WDR3: variants seen among roughly 807,000 people sequenced by gnomAD.
WDR3 encodes the protein WD repeat-containing protein 3.
In WDR3, 81 loss-of-function variants were observed where a neutral mutation model predicts 123.7. The ratio of observed to expected loss-of-function variants is 0.65; its 90% CI spans 0.55 to 0.79. WDR3 has a LOEUF of 0.79. Among genes scored for constraint, WDR3 ranks in the 30% least tolerant of loss-of-function variants. The probability of loss-of-function intolerance (pLI) is 0.00; values close to 1 mark genes in which losing one functional copy is unlikely to be tolerated. For synonymous variants in WDR3, 390 were observed against 388.8 expected (o/e 1.00, Z -0.04); for missense variants, 1,027 against 1,123.2 (o/e 0.91, Z 1.22).
chr1:117,952,201 C>A, intron 17 of WDR3, 96 bp from the exon 18 acceptor site: 1 of 1,425,304 alleles, frequency 7.0e-7, no homozygotes. Flanking sequence ...TAGTCAGACA[C>A]CCTAGAACTA....
At position 117,933,392 on chromosome 1, in the gene WDR3, A is replaced by G. The variant is rs377392703; in HGVS notation, c.73A>G (p.Asn25Asp). 1.9e-5 allele frequency: 30 copies of G among 1,614,046 alleles called. 1 individual carries two copies. In the Middle Eastern group the frequency reaches 1.6e-3, roughly 88 times the overall value. ...TGGCGTTATCGGCAGCCAAAAAGGT[A>G]ATATTGTCTTTGTGACACTTCGTGG... ...VFGVIGSQKG[N>D]IVFVTLRGEK... The change falls in exon 2 of 27, where the codon AAT becomes GAT. Residue 25 changes from asparagine to aspartate, a missense_variant. Physicochemically the swap from Asn to Asp is conservative, Grantham distance 23. Coordinates refer to ENST00000349139, the MANE Select transcript of WDR3 (RefSeq NM_006784.3).
At chr1:117,939,278 A>G (rs1043921233) in intron 5 of WDR3, among the ~76,000 whole-genome samples, 199 bp from the exon 6 acceptor site, 1 of 152,168 alleles carries the variant, frequency 6.6e-6, no homozygotes, top group Non-Finnish European at 1.5e-5. Context: ...CAAAAGTAAC[A>G]ATTTCACCGC....
chr1:117,948,635 T>C, intron 13 of WDR3, 129 bp downstream of exon 13: 1 of 533,204 alleles, frequency 1.9e-6, no homozygotes, highest in Non-Finnish European at 3.1e-6. Flanking sequence ...TTGTATATGA[T>C]GCCTTCTTAT....
chr1:117,958,313 A>G (rs1401744140), intron 25 of WDR3, among the ~76,000 whole-genome samples: 1 of 152,252 alleles, frequency 6.6e-6, no homozygotes, highest in Non-Finnish European at 1.5e-5. Flanking sequence ...ACTTGTAAAG[A>G]CATAAGTTCA....
chr1:117,933,590 T>TG, intron 2 of WDR3, 100 bp downstream of exon 2: 2 of 1,502,994 alleles, frequency 1.3e-6, no homozygotes, highest in South Asian at 1.2e-5. Context: ...ATGAGTTTTT[T>TG]TGTGTCTGTG....
chr1:117,938,702 A>G, intron 5 of WDR3, 144 bp downstream of exon 5: 5 of 654,246 alleles, frequency 7.6e-6, no homozygotes, highest in Middle Eastern at 2.8e-4. Context: ...TGAGGCTGGT[A>G]TGATGGAAGC....
rs1400776811 is a variant in WDR3, at chr1:117,941,743, T to A, written c.892-7T>A. On this transcript the variant is annotated splice_region_variant and splice_polypyrimidine_tract_variant and intron_variant, in intron 8 of 26. Coordinates refer to ENST00000349139, the MANE Select transcript of WDR3 (RefSeq NM_006784.3). ...CCTTGACTCACATTAACCTTTTGCC[T>A]TTCTAGGGAACTGACTCTGTGCTAG... 3 of 1,607,076 alleles carry A rather than the reference T, an allele frequency of 1.9e-6. No individual in the cohort carries two copies. The highest frequency in any genetic ancestry group is 1.7e-6 in the Non-Finnish European group (2 of 1,178,482).
Position 117,949,797 on chromosome 1 carries a change from A to G in WDR3, c.1571A>G (p.Asp524Gly). The G allele has an allele frequency of 1.2e-6, 2 of 1,613,826 alleles. No individual in the cohort carries two copies. Among genetic ancestry groups the G allele is most frequent in the Non-Finnish European group, 1.7e-6 (2 of 1,179,848 alleles). ...GCAGATAAATCTGTCAAATTCTGGG[A>G]TTTTGAGTTAGTGAAAGATGAAAAT... ...GGADKSVKFW[D>G]FELVKDENST... Residue 524 changes from aspartate (D) to glycine (G), a missense_variant, in exon 14 of 27, where the codon GAT becomes GGT. By Grantham distance (94) the Asp-to-Gly change is moderately conservative (BLOSUM62 -1). Coordinates refer to ENST00000349139, the MANE Select transcript of WDR3 (RefSeq NM_006784.3).
At chr1:117,949,676 A>G in intron 13 of WDR3, 75 bp from the exon 14 acceptor site, 2 of 1,494,704 alleles carry the variant, frequency 1.3e-6, no homozygotes, top group Non-Finnish European at 9.1e-7. Context: ...ACTTTCTTAG[A>G]CTTTTAAAAT....
intron 21 of WDR3, 130 bp from the exon 22 acceptor site, chr1:117,953,877 A>T: frequency 2.6e-6 from 2 of 762,532 alleles, no homozygotes; most frequent in Non-Finnish European, 4.3e-6. Flanking sequence ...TTGGCACTCT[A>T]TTCGCACGTC....
chr1:117,950,793 A>G (rs745315038), intron 15 of WDR3, 41 bp from the exon 16 acceptor site: 43 of 1,525,524 alleles, frequency 2.8e-5, no homozygotes, highest in Non-Finnish European at 3.8e-5. Context: ...TTATACCCAT[A>G]TTTTATAGAC....
rs1651708314 is a variant in WDR3 at position 117,953,094 on chromosome 1, A to T, written c.2202+98A>T. 3 of 1,387,948 alleles carry T rather than the reference A, an allele frequency of 2.2e-6. No individual in the cohort carries two copies. In the East Asian group the frequency reaches 7.1e-5, roughly 33 times the overall value. 86.0% of individuals were successfully genotyped at this position (1,387,948 alleles called of 1,614,324 possible). A position where few individuals can be genotyped will look rare whatever the true frequency, so the allele number is the denominator to read the frequency against. On this transcript the variant is annotated intron_variant, in intron 20 of 26. Coordinates refer to ENST00000349139, the MANE Select transcript of WDR3 (RefSeq NM_006784.3). Reference sequence around the variant, plus strand: ...AGAATTTCTAATAGAATTAAAATTGAGGCTAGAAGTTGCAGGTATCACCAG... The same window carrying T: ...AGAATTTCTAATAGAATTAAAATTGTGGCTAGAAGTTGCAGGTATCACCAG...
At position 117,941,188 on chromosome 1, in the gene WDR3, T is replaced by G. The variant is rs2101202513; in HGVS notation, c.854T>G (p.Leu285Arg). The change falls in exon 8 of 27, where the codon CTT (leucine) becomes CGT (arginine). Residue 285 changes from leucine to arginine, a missense_variant. Coordinates refer to ENST00000349139, the MANE Select transcript of WDR3 (RefSeq NM_006784.3). ...GAAGGAAGAGACAGAGTTGTAAACC[T>G]TGCAGTCGACAAGACAGGCAGGATT... ...MREGRDRVVNLAVDKTGRILA... is the reference protein window; with the variant it reads ...MREGRDRVVNRAVDKTGRILA... The G allele has an allele frequency of 6.2e-7, 1 of 1,614,148 alleles. No individual in the cohort carries two copies. Among genetic ancestry groups the G allele is most frequent in the Non-Finnish European group, 8.5e-7 (1 of 1,179,996 alleles).
chr1:117,932,365 C>G (rs762958738), intron 1 of WDR3, among the ~76,000 whole-genome samples: 3 of 152,166 alleles, frequency 2.0e-5, no homozygotes, highest in Non-Finnish European at 4.4e-5. Flanking sequence ...CACTTGGAAA[C>G]TTGTTAGAAA....
rs1028701400 is a variant in WDR3, at chr1:117,929,778, CTGAGGTGAGTCCTGGAGGT to C, written c.-36_-33+15del. 1.3e-5 allele frequency: 2 copies of C among 152,408 alleles called. No homozygotes were observed. Among genetic ancestry groups the C allele is most frequent in the African/African-American group, 4.8e-5 (2 of 41,452 alleles). The allele number at this position is 152,408 out of a possible 1,614,324, so 9.4% of individuals were successfully genotyped here. ...CAATCGGCTGGGAGCCTCGTGGAGG[CTGAGGTGAGTCCTGGAGGT>C]GCGTGGTTGGGGCGGAGAGCATTAT... On this transcript the variant is annotated splice_donor_variant and splice_donor_5th_base_variant and 5_prime_UTR_variant and intron_variant, in exon 1 of 27. Coordinates refer to ENST00000349139, the MANE Select transcript of WDR3 (RefSeq NM_006784.3). LOFTEE classifies it low-confidence loss of function (5UTR_SPLICE).
intron 11 of WDR3, among the ~76,000 whole-genome samples, chr1:117,945,487 A>G (rs1206869935): frequency 6.6e-6 from 1 of 151,706 alleles, no homozygotes; most frequent in Admixed American, 6.6e-5. Context: ...TACTCCTTGC[A>G]CTCTTCATCC....
At position 117,963,697 on chromosome 1, in the gene WDR3, G is replaced by T; in HGVS notation, c.*4250G>T. ...TATTTTCATTCATTCAGGCCAGGTG[G>T]CTTATAGGTTTCTGACTATAAGAAG... On this transcript the variant is annotated 3_prime_UTR_variant, in exon 27 of 27. Transcript: ENST00000349139. 9.2e-7 allele frequency: 1 copy of T among 1,085,202 alleles called. No individual in the cohort carries two copies. The highest frequency in any genetic ancestry group is 1.3e-6 in the Non-Finnish European group (1 of 763,892). 67.2% of individuals were successfully genotyped at this position (1,085,202 alleles called of 1,614,324 possible).
At chr1:117,948,117 T>C (rs1651473355) in intron 12 of WDR3, among the ~76,000 whole-genome samples, 1 of 152,254 alleles carries the variant, frequency 6.6e-6, no homozygotes, top group Non-Finnish European at 1.5e-5. Flanking sequence ...ATTTTCCTTG[T>C]GAAGTTGTGT....
In WDR3 at chr1:117,964,912, T is replaced by C. The variant is rs1259446831; in HGVS notation, c.*5465T>C. The C allele has an allele frequency of 6.6e-6, 1 of 152,166 alleles. No individual in the cohort carries two copies. The highest frequency in any genetic ancestry group is 6.6e-5 in the Admixed American group (1 of 15,266). The allele number at this position is 152,166 out of a possible 1,614,324, so 9.4% of individuals were successfully genotyped here. Reference sequence around the variant, plus strand: ...TTCAGCTCTGTTTTTTATTATTCTTTTGCCCTGTTTTGGATATTGCAGTTT... The same window carrying C: ...TTCAGCTCTGTTTTTTATTATTCTTCTGCCCTGTTTTGGATATTGCAGTTT... On this transcript the variant is annotated 3_prime_UTR_variant, in exon 27 of 27. Transcript: ENST00000349139.
Sources: gnomAD v4.1 joint callset for allele counts (sites outside exome capture counted in the v4.1 genomes callset) on GRCh38, gnomAD v4.1.1 for gene constraint, MANE v1.5 for transcripts, NCBI Gene and HGNC (gene_info 2026-07-23, HGNC 2026-07-21) for gene names.